Variants in ATP2B2 observed in about 807,000 individuals in gnomAD.
ATP2B2 encodes the protein ATPase plasma membrane Ca2+ transporting 2, also known as plasma membrane calcium-transporting ATPase 2.
In ATP2B2, 15 loss-of-function variants were observed where a neutral mutation model predicts 120.0. That is an observed-to-expected ratio of 0.12 (90% CI 0.08 to 0.19). ATP2B2 has a LOEUF of 0.19. Among genes scored for constraint, ATP2B2 ranks in the 10% least tolerant of loss-of-function variants. The pLI is 1.00. For missense variants in ATP2B2, 1,045 were observed against 1,719.8 expected (o/e 0.61, Z 6.94); for synonymous variants, 694 against 700.3 (o/e 0.99, Z 0.14).
chr3:10,606,841 G>C (rs2069080481), intron 2 of ATP2B2, among the ~76,000 whole-genome samples: 1 of 149,346 alleles, frequency 6.7e-6, no homozygotes, highest in Non-Finnish European at 1.5e-5. Context: ...CTGGCACATA[G>C]TAGGTGCACA....
At position 10,512,484 on chromosome 3, in the gene ATP2B2, A is replaced by G. The variant is rs1019137793; in HGVS notation, c.-320+21555T>C. On this transcript the variant is annotated intron_variant, in intron 3 of 21. Coordinates refer to the ATP2B2 transcript ENST00000646379. ...TGTGCGCACACACACACACACACAC[A>G]CACACACACACACACACACACACAC... 1.3e-3 allele frequency among the ~76,000 whole-genome samples: 197 copies of G among 149,140 alleles called. 1 individual carries two copies. Among genetic ancestry groups the G allele is most frequent in the East Asian group, 5.3e-3 (27 of 5,098 alleles).
At chr3:10,686,136 G>C (rs1252681069) in intron 1 of ATP2B2, among the ~76,000 whole-genome samples, 1 of 149,540 alleles carries the variant, frequency 6.7e-6, no homozygotes, top group Non-Finnish European at 1.5e-5. Context: ...AAGCATATAG[G>C]GTGGAAATTT....
chr3:10,642,937 T>C (rs1168324715), intron 1 of ATP2B2, among the ~76,000 whole-genome samples: 1 of 152,186 alleles, frequency 6.6e-6, no homozygotes, highest in Non-Finnish European at 1.5e-5. Flanking sequence ...TTAATCATTT[T>C]CCTCTAACAG....
intron 12 of ATP2B2, among the ~76,000 whole-genome samples, chr3:10,365,786 GTAC>G (rs2061031227): frequency 1.1e-4 from 3 of 28,366 alleles, no homozygotes; most frequent in Non-Finnish European, 2.7e-4. Context: ...TGTATGGTAC[GTAC>G]TGTGTATAGT....
chr3:10,617,830 G>A (rs1435120485), intron 2 of ATP2B2, among the ~76,000 whole-genome samples: 1 of 151,644 alleles, frequency 6.6e-6, no homozygotes, highest in East Asian at 1.9e-4. Flanking sequence ...AAGCTGGTGT[G>A]TGCCCCAAGG....
At chr3:10,383,882 G>C (rs2061598730) in intron 8 of ATP2B2, among the ~76,000 whole-genome samples, 1 of 152,204 alleles carries the variant, frequency 6.6e-6, no homozygotes, top group South Asian at 2.1e-4. Flanking sequence ...CCTGGATGGG[G>C]TCTGTATGTT....
In ATP2B2 at chr3:10,358,847, C is replaced by A; in HGVS notation, c.1980G>T (p.Val660=). 6.2e-7 allele frequency: 1 copy of A among 1,614,222 alleles called. No individual in the cohort carries two copies. The highest frequency in any genetic ancestry group is 1.1e-5 in the South Asian group (1 of 91,084). The change falls in exon 14 of 23, where the codon GTG becomes GTT. Residue 660 remains valine (V), a synonymous_variant. Transcript: ENST00000360273. ...GCCCATCGCAAGCCATGGGCTCAATCACCTTCTTTACCATCTCGTCCCGGT... is the reference window on the plus strand; with the variant it reads ...GCCCATCGCAAGCCATGGGCTCAATAACCTTCTTTACCATCTCGTCCCGGT... The part of the protein sequence containing the change: ...PRDRDEMVKK[V]IEPMACDGLR...
chr3:10,566,582 A>C (rs1428424035), intron 2 of ATP2B2: 4 of 152,250 alleles, frequency 2.6e-5, no homozygotes, highest in Non-Finnish European at 4.4e-5. Flanking sequence ...GGGATGAATT[A>C]GTTTAGATTG....
intron 1 of ATP2B2, among the ~76,000 whole-genome samples, chr3:10,685,768 T>G (rs2071504875): frequency 6.6e-6 from 1 of 151,988 alleles, no homozygotes; most frequent in South Asian, 2.1e-4. Flanking sequence ...CAGGGACTTA[T>G]GCCTGAACGT....
intron 1 of ATP2B2, among the ~76,000 whole-genome samples, chr3:10,638,006 G>T (rs552715723): frequency 3.3e-5 from 5 of 151,952 alleles, no homozygotes; most frequent in East Asian, 1.9e-4. Context: ...TAGATGAAAA[G>T]AAAAAAGAAG....
intron 3 of ATP2B2, among the ~76,000 whole-genome samples, chr3:10,517,485 T>A (rs890544650): frequency 6.6e-6 from 1 of 152,228 alleles, no homozygotes; most frequent in Non-Finnish European, 1.5e-5. Flanking sequence ...ACATGCTCCA[T>A]TCTTTTTTCT....
At chr3:10,393,253 G>A (rs1169033925) in intron 5 of ATP2B2, among the ~76,000 whole-genome samples, 3 of 152,202 alleles carry the variant, frequency 2.0e-5, no homozygotes, top group African/African-American at 2.4e-5. Flanking sequence ...GGTAGCGGGC[G>A]GGCCGGGCCA....
At chr3:10,336,900 C>T (rs565912011) in intron 22 of ATP2B2, among the ~76,000 whole-genome samples, 8 of 152,342 alleles carry the variant, frequency 5.3e-5, no homozygotes, top group East Asian at 3.9e-4. Flanking sequence ...TGCTTCCTCC[C>T]GTAATCTGGA....
intron 3 of ATP2B2, among the ~76,000 whole-genome samples, chr3:10,532,382 C>A (rs890341294): frequency 1.3e-5 from 2 of 152,220 alleles, no homozygotes; most frequent in Non-Finnish European, 2.9e-5. Context: ...GATGATGCAT[C>A]TTTGTTATTA....
At chr3:10,646,929 A>G (rs1274889251) in intron 1 of ATP2B2, among the ~76,000 whole-genome samples, 1 of 152,214 alleles carries the variant, frequency 6.6e-6, no homozygotes, top group Non-Finnish European at 1.5e-5. Context: ...ATAATCATAC[A>G]AGGCAAGAAG....
chr3:10,631,989 C>T (rs896946461), intron 1 of ATP2B2, among the ~76,000 whole-genome samples: 1 of 152,138 alleles, frequency 6.6e-6, no homozygotes, highest in Non-Finnish European at 1.5e-5. Flanking sequence ...AAGCAGGTCC[C>T]GAGGTCCTCA....
chr3:10,683,760 G>GTGTGTATGTATA (rs1446781892), intron 1 of ATP2B2, among the ~76,000 whole-genome samples: 4 of 53,900 alleles, frequency 7.4e-5, no homozygotes, highest in Admixed American at 2.5e-4. Flanking sequence ...GTGTGTGTGT[G>GTGTGTATGTATA]TATATATATA....
chr3:10,380,822 T>A (rs1017577561), intron 8 of ATP2B2, among the ~76,000 whole-genome samples: 5 of 152,220 alleles, frequency 3.3e-5, no homozygotes, highest in African/African-American at 1.2e-4. Context: ...GGATGAGACA[T>A]TCACCTCCCA....
chr3:10,681,408 C>T (rs955486347), intron 1 of ATP2B2, among the ~76,000 whole-genome samples: 9 of 152,198 alleles, frequency 5.9e-5, no homozygotes, highest in Middle Eastern at 3.2e-3. Context: ...ATGTCCCGTG[C>T]ACCCCCATTG....
Sources: allele counts gnomAD v4.1 joint callset (sites outside exome capture counted in the v4.1 genomes callset), GRCh38; gene constraint gnomAD v4.1.1; transcripts MANE v1.5; gene names NCBI Gene and HGNC (gene_info 2026-07-23, HGNC 2026-07-21).